PCDH15: variants seen among roughly 807,000 people sequenced by gnomAD.
The protein encoded by PCDH15 is protocadherin-15.
PCDH15 carries 129 observed loss-of-function variants against 178.5 expected under a neutral mutation model. That is an observed-to-expected ratio of 0.72 (90% CI 0.63 to 0.84). The LOEUF (loss-of-function observed/expected upper bound fraction) is 0.84, where lower values mean the gene tolerates loss of function less well. PCDH15 is among the 40% of genes least tolerant of loss of function. The pLI is 0.00. For missense variants in PCDH15, 2,230 were observed against 2,099.9 expected, an observed-to-expected ratio of 1.06 and a Z score of -1.21; for synonymous variants, 800 against 732.0, an observed-to-expected ratio of 1.09 and a Z score of -1.50.
At chr10:54,363,614 G>A (rs1157304435) in intron 5 of PCDH15, among the ~76,000 whole-genome samples, 1 of 151,974 alleles carries the variant, frequency 6.6e-6, no homozygotes, top group East Asian at 1.9e-4. Flanking sequence ...ATTTATTGTG[G>A]GTATATTCAA....
At chr10:55,438,202 T>TATAC (rs1554868789) in intron 2 of PCDH15, among the ~76,000 whole-genome samples, 2 of 149,556 alleles carry the variant, frequency 1.3e-5, no homozygotes, top group African/African-American at 2.5e-5. Context: ...GAACATGTTA[T>TATAC]ACACACACAC....
intron 3 of PCDH15, among the ~76,000 whole-genome samples, chr10:54,379,158 T>C (rs192488066): frequency 5.1e-4 from 78 of 152,246 alleles, no homozygotes; most frequent in Middle Eastern, 3.4e-3. Flanking sequence ...AAGGCAGAGA[T>C]ACAGACATGG....
intron 2 of PCDH15, among the ~76,000 whole-genome samples, chr10:55,127,101 A>C (rs16907001): frequency 6.6e-6 from 1 of 151,970 alleles, no homozygotes; most frequent in South Asian, 2.1e-4. Flanking sequence ...CTAACTGACA[A>C]TCTCACTACT....
intron 2 of PCDH15, among the ~76,000 whole-genome samples, chr10:54,532,422 T>A (rs545832223): frequency 6.6e-6 from 1 of 152,158 alleles, no homozygotes; most frequent in African/African-American, 2.4e-5. Context: ...CTAGGTAAGG[T>A]TTCCCAATAT....
In PCDH15 at chr10:54,711,672, A is replaced by AT. The variant is rs2095429269; in HGVS notation, c.-28-47383_-28-47382insA. On this transcript the variant is annotated intron_variant, in intron 1 of 37. Transcript: ENST00000644397. ...TATTTTTCTGACTATAAATGTCCAA[A>AT]AATGTCGATAAATTCCTCAAAAGAA... Among the ~76,000 whole-genome samples, 3 of 151,948 alleles carry AT rather than the reference A, an allele frequency of 2.0e-5. No homozygotes were observed. In the South Asian group the frequency reaches 6.2e-4, roughly 31 times the overall value.
At chr10:54,310,365 T>C (rs536198170) in intron 8 of PCDH15, among the ~76,000 whole-genome samples, 1 of 152,070 alleles carries the variant, frequency 6.6e-6, no homozygotes, top group Non-Finnish European at 1.5e-5. Context: ...GTTTAGAGTA[T>C]GTCTTTAAAT....
chr10:54,647,061 C>G (rs914605063), intron 2 of PCDH15, among the ~76,000 whole-genome samples: 25 of 152,064 alleles, frequency 1.6e-4, no homozygotes, highest in African/African-American at 5.6e-4. Context: ...GCACTATTCA[C>G]AACAACCAAG....
At chr10:54,833,118 G>A (rs1353645501) in intron 3 of PCDH15, among the ~76,000 whole-genome samples, 1 of 152,054 alleles carries the variant, frequency 6.6e-6, no homozygotes, top group Admixed American at 6.6e-5. Flanking sequence ...TATCTCATTT[G>A]ATTCACCTAA....
At position 55,198,743 on chromosome 10, in the gene PCDH15, A is replaced by G. The variant is rs530027130; in HGVS notation, c.-155-32092T>C. ...CCGCATCTGCCCGCCTCGGCATCCC[A>G]AAGTACTGGGATTACAGGCGTGAGC... is the stretch of plus-strand genomic sequence containing the variant. On this transcript the variant is annotated intron_variant, in intron 1 of 5. Coordinates refer to the PCDH15 transcript ENST00000458638. Among the ~76,000 whole-genome samples the G allele has an allele frequency of 1.0e-3, 157 of 151,330 alleles. 1 individual carries two copies. Among genetic ancestry groups the G allele is most frequent in the African/African-American group, 3.7e-3 (151 of 41,122 alleles).
chr10:54,118,692 ATAAAT>A (rs959442427), intron 15 of PCDH15, among the ~76,000 whole-genome samples: 17 of 151,898 alleles, frequency 1.1e-4, no homozygotes, highest in Admixed American at 1.1e-3. Context: ...ATTAAAAAAA[ATAAAT>A]TAACCCAAGA....
chr10:54,393,382 C>T (rs1431048774), intron 3 of PCDH15, among the ~76,000 whole-genome samples: 3 of 152,064 alleles, frequency 2.0e-5, no homozygotes, highest in African/African-American at 4.8e-5. Flanking sequence ...CAGGAGATAC[C>T]ATTACATTTT....
chr10:54,840,176 C>T (rs921874763), intron 3 of PCDH15, among the ~76,000 whole-genome samples: 1 of 151,910 alleles, frequency 6.6e-6, no homozygotes, highest in African/African-American at 2.4e-5. Context: ...ACTATAATGA[C>T]CGAGCATGAA....
intron 2 of PCDH15, among the ~76,000 whole-genome samples, chr10:55,477,018 A>G (rs913818372): frequency 1.3e-5 from 2 of 151,952 alleles, no homozygotes; most frequent in Non-Finnish European, 2.9e-5. Flanking sequence ...TGCCAAGGTT[A>G]TGTTATATTT....
chr10:53,865,599 T>G (rs983372096), intron 27 of PCDH15, among the ~76,000 whole-genome samples: 1 of 152,182 alleles, frequency 6.6e-6, no homozygotes, highest in Non-Finnish European at 1.5e-5. Context: ...TATGTCAAAC[T>G]TAATATCTCC....
intron 29 of PCDH15, among the ~76,000 whole-genome samples, chr10:53,839,330 TG>T (rs1479122296): frequency 1.3e-5 from 2 of 151,874 alleles, no homozygotes. Flanking sequence ...ATTTTGTCGA[TG>T]AACACATTTA....
At chr10:54,840,417 T>C (rs1953398405) in intron 3 of PCDH15, among the ~76,000 whole-genome samples, 1 of 151,766 alleles carries the variant, frequency 6.6e-6, no homozygotes, top group Non-Finnish European at 1.5e-5. Flanking sequence ...TAAGGTTTGT[T>C]GTAACCACAA....
chr10:55,460,482 G>A (rs1244722958), intron 2 of PCDH15, among the ~76,000 whole-genome samples: 1 of 151,712 alleles, frequency 6.6e-6, no homozygotes, highest in South Asian at 2.1e-4. Flanking sequence ...TCTTTTCTTT[G>A]TCTACATCTA....
intron 2 of PCDH15, among the ~76,000 whole-genome samples, chr10:55,098,538 A>G (rs1297023248): frequency 6.6e-6 from 1 of 152,130 alleles, no homozygotes; most frequent in Non-Finnish European, 1.5e-5. Flanking sequence ...AGGCTACCTC[A>G]GACTAGACAT....
intron 10 of PCDH15, 72 bp from the exon 11 acceptor site, chr10:54,195,961 T>C (rs560253254): frequency 8.7e-5 from 118 of 1,359,128 alleles, no homozygotes; most frequent in Non-Finnish European, 1.2e-4. Flanking sequence ...TCACTTTTCA[T>C]GCAATATATA....
Sources: gnomAD v4.1 joint callset for allele counts (sites outside exome capture counted in the v4.1 genomes callset) on GRCh38, gnomAD v4.1.1 for gene constraint, MANE v1.5 for transcripts, NCBI Gene and HGNC (gene_info 2026-07-23, HGNC 2026-07-21) for gene names.